HGF: variants seen among roughly 807,000 people sequenced by gnomAD.
The protein encoded by HGF is hepatocyte growth factor, also known as fibroblast-derived tumor cytotoxic factor.
In HGF, 39 loss-of-function variants were observed where a neutral mutation model predicts 111.6. That is an observed-to-expected ratio of 0.35 (90% CI 0.27 to 0.46). HGF has a LOEUF of 0.46. HGF is among the 20% of genes least tolerant of loss of function. The pLI is 1.00. For synonymous variants in HGF, 285 were observed against 294.8 expected (o/e 0.97, Z 0.34); for missense variants, 735 against 910.5 (o/e 0.81, Z 2.48).
At chr7:81,736,682 G>C in intron 7 of HGF, 1 of 466,762 alleles carries the variant, frequency 2.1e-6, no homozygotes, top group Middle Eastern at 3.2e-4. Context: ...CTGGGGTAAA[G>C]AGACTATAAT....
chr7:81,731,350 TAAAAA>T (rs1288136940), intron 7 of HGF, among the ~76,000 whole-genome samples: 1 of 152,122 alleles, frequency 6.6e-6, no homozygotes, highest in Non-Finnish European at 1.5e-5. Context: ...TATCCAAACT[TAAAAA>T]GAAACTCAAA....
At chr7:81,769,668 G>C (rs564289707) in intron 1 of HGF, among the ~76,000 whole-genome samples, 1 of 152,236 alleles carries the variant, frequency 6.6e-6, no homozygotes, top group South Asian at 2.1e-4. Context: ...GAGGGGAGTT[G>C]AGGGAAAGTT....
intron 11 of HGF, among the ~76,000 whole-genome samples, chr7:81,713,509 G>A (rs994133867): frequency 1.3e-5 from 2 of 148,528 alleles, no homozygotes; most frequent in Non-Finnish European, 3.0e-5. Context: ...CTGGGCAACA[G>A]TGTGGGCAGC....
chr7:81,754,885 G>A (rs1032463757), intron 4 of HGF, among the ~76,000 whole-genome samples: 5 of 152,064 alleles, frequency 3.3e-5, no homozygotes, highest in African/African-American at 4.8e-5. Context: ...CCAGTCAGCA[G>A]ATTCTGTAAT....
intron 7 of HGF, among the ~76,000 whole-genome samples, chr7:81,734,877 G>C (rs2115960263): frequency 6.6e-6 from 1 of 152,142 alleles, no homozygotes; most frequent in South Asian, 2.1e-4. Flanking sequence ...TTTCCCAATG[G>C]AGACAAGCTA....
intron 4 of HGF, among the ~76,000 whole-genome samples, chr7:81,753,714 A>G (rs184323543): frequency 3.9e-5 from 6 of 152,178 alleles, no homozygotes; most frequent in Non-Finnish European, 7.4e-5. Context: ...GAACCAGTGA[A>G]GTATTATCCA....
At chr7:81,721,432 A>G (rs1376589556) in intron 9 of HGF, among the ~76,000 whole-genome samples, 2 of 152,238 alleles carry the variant, frequency 1.3e-5, no homozygotes, top group Middle Eastern at 3.2e-3. Context: ...GCCCTTTGGA[A>G]CAACAAAGAA....
intron 9 of HGF, among the ~76,000 whole-genome samples, chr7:81,724,045 C>T (rs149739228): frequency 2.2e-4 from 33 of 152,126 alleles, no homozygotes; most frequent in Admixed American, 1.4e-3. Context: ...TATTCTATTA[C>T]CTGATCCTTT....
intron 7 of HGF, among the ~76,000 whole-genome samples, chr7:81,741,581 G>C (rs57101507): frequency 1.4e-5 from 2 of 144,224 alleles, no homozygotes; most frequent in East Asian, 2.1e-4. Context: ...GTGTGTGTGT[G>C]TCTGTGTGTG....
intron 4 of HGF, among the ~76,000 whole-genome samples, chr7:81,753,824 C>T (rs984597195): frequency 4.0e-5 from 6 of 151,814 alleles, no homozygotes; most frequent in South Asian, 2.1e-4. Flanking sequence ...GTTGTCAGAC[C>T]GTATGACTGA....
intron 1 of HGF, among the ~76,000 whole-genome samples, chr7:81,767,947 G>T (rs1389294500): frequency 6.6e-6 from 1 of 151,742 alleles, no homozygotes; most frequent in Non-Finnish European, 1.5e-5. Flanking sequence ...TATCAAACTG[G>T]CCATCTAAAC....
rs749434892 is a variant in HGF, at chr7:81,743,416, T to C, written c.802A>G (p.Arg268Gly). 7.4e-6 allele frequency: 12 copies of C among 1,613,784 alleles called. No homozygotes were observed. Among genetic ancestry groups the C allele is most frequent in the Non-Finnish European group, 7.6e-6 (9 of 1,179,828 alleles). ...NYCRNPDGQP[R>G]PWCYTLDPHT... ...GGGTCAAGAGTATAGCACCATGGCC[T>C]CGGCTGGCCATCGGGATTGCGGCAA... is the stretch of plus-strand genomic sequence containing the variant. The change falls in exon 7 of 18, where the codon AGG becomes GGG. Residue 268 changes from arginine to glycine, a missense_variant. By Grantham distance (125) the Arg-to-Gly change is moderately radical (BLOSUM62 -2). This residue lies in a region of HGF where 553 missense variants were observed against 685.6 expected (regional missense o/e 0.81). Coordinates refer to ENST00000222390, the MANE Select transcript of HGF (RefSeq NM_000601.6).
rs190455579 is a variant in HGF, at chr7:81,704,172, T to C, written c.2010+1218A>G. ...GGAATCTACTTGAGGTCAAGTCTTA[T>C]CAATAAAGTTAAAAACAACATATAT... On this transcript the variant is annotated intron_variant, in intron 17 of 17. Coordinates refer to ENST00000222390, the MANE Select transcript of HGF (RefSeq NM_000601.6). 1.5e-3 allele frequency among the ~76,000 whole-genome samples: 230 copies of C among 151,882 alleles called. 1 individual carries two copies. The highest frequency in any genetic ancestry group is 2.0e-3 in the Non-Finnish European group (136 of 67,778).
chr7:81,736,419 C>T (rs1431438919), intron 7 of HGF, among the ~76,000 whole-genome samples: 1 of 151,986 alleles, frequency 6.6e-6, no homozygotes, highest in Non-Finnish European at 1.5e-5. Flanking sequence ...TTTTACTGAA[C>T]AATGGCCCCA....
intron 7 of HGF, among the ~76,000 whole-genome samples, chr7:81,732,370 A>G (rs1323234334): frequency 6.6e-6 from 1 of 152,204 alleles, no homozygotes; most frequent in East Asian, 1.9e-4. Context: ...TGTTTCCTCT[A>G]CTATGTGAAG....
chr7:81,726,244 G>A (rs1036246340), intron 8 of HGF, among the ~76,000 whole-genome samples: 2 of 152,022 alleles, frequency 1.3e-5, no homozygotes, highest in African/African-American at 4.8e-5. Context: ...CCTTCCACAG[G>A]CCTAGAGTTT....
At chr7:81,746,081 T>C (rs1457575869) in intron 5 of HGF, among the ~76,000 whole-genome samples, 1 of 152,228 alleles carries the variant, frequency 6.6e-6, no homozygotes, top group Non-Finnish European at 1.5e-5. Context: ...GGCATCAATG[T>C]TTAGTTTTAT....
rs1562878711 is a variant in HGF at position 81,720,834 on chromosome 7, C to T, written c.1182G>A (p.Gly394=). ...AGTTGCCCATATAATTTTTGCCATTCCCACGATAACAATCTAGACATAAAA... is the reference window on the plus strand; with the variant it reads ...AGTTGCCCATATAATTTTTGCCATTTCCACGATAACAATCTAGACATAAAA... ...DMSHGQDCYR[G]NGKNYMGNLS... Residue 394 remains glycine, a synonymous_variant, in exon 10 of 18, where the codon GGG becomes GGA. Coordinates refer to ENST00000222390, the MANE Select transcript of HGF (RefSeq NM_000601.6). The T allele has an allele frequency of 6.3e-7, 1 of 1,588,252 alleles. No individual in the cohort carries two copies. The highest frequency in any genetic ancestry group is 8.6e-7 in the Non-Finnish European group (1 of 1,156,534).
chr7:81,713,164 T>TA (rs1477842541), intron 11 of HGF, among the ~76,000 whole-genome samples: 3 of 152,214 alleles, frequency 2.0e-5, no homozygotes, highest in Non-Finnish European at 4.4e-5. Context: ...TTCTAAGCAT[T>TA]AAGCTAATAG....
Sources: allele counts gnomAD v4.1 joint callset (sites outside exome capture counted in the v4.1 genomes callset), GRCh38; gene constraint gnomAD v4.1.1; regional missense constraint gnomAD v4.1.1; transcripts MANE v1.5; gene names NCBI Gene and HGNC (gene_info 2026-07-23, HGNC 2026-07-21).